STRN: variants seen among roughly 807,000 people sequenced by gnomAD.
STRN encodes the protein striatin, also known as protein phosphatase 2 regulatory subunit B'''alpha.
In STRN, 53 loss-of-function variants were observed where a neutral mutation model predicts 96.3. That is an observed-to-expected ratio of 0.55 (90% CI 0.44 to 0.69). The LOEUF (loss-of-function observed/expected upper bound fraction) is 0.69. Among genes scored for constraint, STRN ranks in the 30% least tolerant of loss-of-function variants. The probability of loss-of-function intolerance (pLI) is 0.00; values close to 1 mark genes in which losing one functional copy is unlikely to be tolerated. For synonymous variants in STRN, 428 were observed against 355.9 expected, an observed-to-expected ratio of 1.20 and a Z score of -2.28; for missense variants, 987 against 963.9, an observed-to-expected ratio of 1.02 and a Z score of -0.32.
At chr2:36,879,774 A>G (rs1433651415) in intron 9 of STRN, among the ~76,000 whole-genome samples, 1 of 152,222 alleles carries the variant, frequency 6.6e-6, no homozygotes, top group South Asian at 2.1e-4. Flanking sequence ...TGACTAGTGC[A>G]CGTACAAGAC....
intron 1 of STRN, among the ~76,000 whole-genome samples, chr2:36,927,337 G>A (rs1457515471): frequency 2.0e-5 from 3 of 151,822 alleles, no homozygotes; most frequent in Admixed American, 6.6e-5. Context: ...GCGAGACCAC[G>A]TCCCCACAAA....
chr2:36,861,889 C>T (rs1055680022), intron 12 of STRN, among the ~76,000 whole-genome samples: 3 of 152,102 alleles, frequency 2.0e-5, no homozygotes, highest in Non-Finnish European at 2.9e-5. Flanking sequence ...AAGCATAGTA[C>T]GCAATGGGTA....
At chr2:36,901,521 C>T (rs1378782704) in intron 5 of STRN, among the ~76,000 whole-genome samples, 2 of 148,708 alleles carry the variant, frequency 1.3e-5, no homozygotes, top group East Asian at 2.0e-4. Flanking sequence ...CACTGCACTC[C>T]AGCCTGGGTG....
chr2:36,861,007 T>G, intron 13 of STRN, 125 bp downstream of exon 13: 1 of 1,166,530 alleles, frequency 8.6e-7, no homozygotes, highest in East Asian at 2.6e-5. Flanking sequence ...TTTAACAAAA[T>G]AAAGATGTGG....
At chr2:36,911,295 T>C (rs771878294) in intron 3 of STRN, among the ~76,000 whole-genome samples, 24 of 152,342 alleles carry the variant, frequency 1.6e-4, no homozygotes, top group Admixed American at 9.1e-4. Flanking sequence ...ACAACTATGA[T>C]AGATGCAAAC....
chr2:36,933,561 T>G (rs555660202), intron 1 of STRN, among the ~76,000 whole-genome samples: 1 of 152,294 alleles, frequency 6.6e-6, no homozygotes, highest in Non-Finnish European at 1.5e-5. Context: ...GTTAAGGCAA[T>G]GGAGAAGCTA....
At chr2:36,947,727 T>C (rs1390715975) in intron 1 of STRN, among the ~76,000 whole-genome samples, 1 of 151,848 alleles carries the variant, frequency 6.6e-6, no homozygotes, top group East Asian at 1.9e-4. Context: ...GCAACCTTAT[T>C]AAAGTTACTT....
intron 1 of STRN, among the ~76,000 whole-genome samples, chr2:36,963,350 T>C (rs1337143283): frequency 6.6e-6 from 1 of 152,128 alleles, no homozygotes; most frequent in Admixed American, 6.5e-5. Context: ...GTTAATGGCT[T>C]AGGAAGAGAT....
intron 10 of STRN, among the ~76,000 whole-genome samples, chr2:36,871,326 C>G (rs567416626): frequency 7.2e-5 from 11 of 152,178 alleles, no homozygotes; most frequent in African/African-American, 1.9e-4. Context: ...GTGTCCTATA[C>G]AGGTGTACCA....
intron 1 of STRN, among the ~76,000 whole-genome samples, chr2:36,935,976 G>A (rs562086948): frequency 3.3e-5 from 5 of 151,858 alleles, no homozygotes; most frequent in South Asian, 2.1e-4. Context: ...AATAAAAAAC[G>A]TTGGTATTAA....
At chr2:36,906,992 C>G (rs1669838703) in intron 3 of STRN, among the ~76,000 whole-genome samples, 1 of 152,048 alleles carries the variant, frequency 6.6e-6, no homozygotes, top group Non-Finnish European at 1.5e-5. Context: ...TGAAAACCTC[C>G]TAAGCATTTT....
intron 2 of STRN, among the ~76,000 whole-genome samples, chr2:36,923,821 A>G (rs1212988387): frequency 3.3e-5 from 5 of 152,210 alleles, no homozygotes; most frequent in African/African-American, 9.7e-5. Flanking sequence ...AATATCACCT[A>G]TAAGTACTCA....
intron 5 of STRN, among the ~76,000 whole-genome samples, chr2:36,900,808 G>A (rs1180397533): frequency 2.6e-5 from 4 of 152,136 alleles, no homozygotes; most frequent in East Asian, 1.9e-4. Flanking sequence ...CAGCAGAATC[G>A]CTTGAACCCG....
intron 1 of STRN, among the ~76,000 whole-genome samples, chr2:36,944,233 A>C (rs1419258979): frequency 6.6e-6 from 1 of 152,206 alleles, no homozygotes; most frequent in Admixed American, 6.5e-5. Flanking sequence ...CTCTTAATAT[A>C]CAAAAGCAAT....
Position 36,844,694 on chromosome 2 carries a change from C to A in STRN, c.*4762G>T, listed in dbSNP as rs1269182771. ...TTTGTTTTTTTTAGAATTAAAAAAA[C>A]AAAACAAAAACTGAAAGGATCTGTT... is the stretch of plus-strand genomic sequence containing the variant. On this transcript the variant is annotated 3_prime_UTR_variant, in exon 18 of 18. Transcript: ENST00000263918. 6.6e-6 allele frequency: 1 copy of A among 151,740 alleles called. No individual in the cohort carries two copies. Among genetic ancestry groups the A allele is most frequent in the African/African-American group, 2.4e-5 (1 of 41,304 alleles). The allele number at this position is 151,740 out of a possible 1,614,324, so 9.4% of individuals were successfully genotyped here.
At chr2:36,956,483 C>T (rs1664890752) in intron 1 of STRN, among the ~76,000 whole-genome samples, 1 of 152,080 alleles carries the variant, frequency 6.6e-6, no homozygotes, top group Admixed American at 6.6e-5. Context: ...AGGCAAGAAA[C>T]GCCAAAGATC....
At chr2:36,874,413 A>G (rs1668847563) in intron 10 of STRN, among the ~76,000 whole-genome samples, 2 of 152,154 alleles carry the variant, frequency 1.3e-5, no homozygotes, top group Admixed American at 1.3e-4. Context: ...GAAGAAGAGG[A>G]AGAAGGTATA....
At chr2:36,905,716 A>C (rs1055282765) in intron 3 of STRN, 98 bp from the exon 4 acceptor site, 2 of 1,067,740 alleles carry the variant, frequency 1.9e-6, no homozygotes, top group African/African-American at 3.1e-5. Flanking sequence ...TAAGATTAAG[A>C]ATATGTAAAA....
chr2:36,925,008 A>G, intron 2 of STRN, 97 bp downstream of exon 2: 1 of 1,095,332 alleles, frequency 9.1e-7, no homozygotes, highest in South Asian at 1.4e-5. Context: ...GTGAGCCAAG[A>G]TCGTACCATT....
Sources: allele counts gnomAD v4.1 joint callset (sites outside exome capture counted in the v4.1 genomes callset), GRCh38; gene constraint gnomAD v4.1.1; transcripts MANE v1.5; gene names NCBI Gene and HGNC (gene_info 2026-07-23, HGNC 2026-07-21).